Variants in PXDNL observed in about 807,000 individuals in gnomAD.
The protein encoded by PXDNL is peroxidasin like.
PXDNL carries 145 observed loss-of-function variants against 150.8 expected under a neutral mutation model. The observed-to-expected ratio is 0.96, with a 90% confidence interval of 0.84 to 1.10. The LOEUF is 1.10. PXDNL is among the 50% of genes least tolerant of loss of function. The pLI is 0.00. For synonymous variants in PXDNL, 757 were observed against 725.7 expected, an observed-to-expected ratio of 1.04 and a Z score of -0.69; for missense variants, 2,087 against 1,873.9, an observed-to-expected ratio of 1.11 and a Z score of -2.10.
intron 1 of PXDNL, among the ~76,000 whole-genome samples, chr8:51,713,179 T>G (rs895515479): frequency 6.6e-6 from 1 of 152,236 alleles, no homozygotes; most frequent in Non-Finnish European, 1.5e-5. Flanking sequence ...TCATGTTAGA[T>G]AAACTTGTGC....
chr8:51,704,882 T>C (rs141489794), intron 1 of PXDNL, among the ~76,000 whole-genome samples: 156 of 152,322 alleles, frequency 1.0e-3, no homozygotes, highest in African/African-American at 3.5e-3. Flanking sequence ...ATTAGTCTGA[T>C]GTATGTAATA....
intron 1 of PXDNL, among the ~76,000 whole-genome samples, chr8:51,688,913 G>A (rs184089437): frequency 2.0e-4 from 31 of 152,304 alleles, no homozygotes; most frequent in Middle Eastern, 3.4e-3. Flanking sequence ...AGAAATCCTC[G>A]TAACCCACCA....
At chr8:51,345,065 A>G (rs1689843739) in intron 20 of PXDNL, among the ~76,000 whole-genome samples, 1 of 152,218 alleles carries the variant, frequency 6.6e-6, no homozygotes, top group Admixed American at 6.5e-5. Context: ...AAATTATACT[A>G]CTTAGAAGGC....
chr8:51,731,803 G>C (rs1179218506), intron 1 of PXDNL, among the ~76,000 whole-genome samples: 1 of 152,220 alleles, frequency 6.6e-6, no homozygotes, highest in Non-Finnish European at 1.5e-5. Context: ...CTGAAGCAAT[G>C]ACCTGAGCTC....
intron 17 of PXDNL, among the ~76,000 whole-genome samples, chr8:51,388,941 AT>A (rs1325799644): frequency 1.3e-5 from 2 of 152,004 alleles, no homozygotes; most frequent in Non-Finnish European, 2.9e-5. Context: ...TCCTTTTAAC[AT>A]GGTTTCTATT....
chr8:51,625,521 C>T (rs1057318629), intron 2 of PXDNL, among the ~76,000 whole-genome samples: 18 of 152,174 alleles, frequency 1.2e-4, no homozygotes, highest in East Asian at 5.8e-4. Flanking sequence ...ATAAAATACA[C>T]GATAATTTCA....
chr8:51,659,482 C>T (rs972685217), intron 1 of PXDNL, among the ~76,000 whole-genome samples: 6 of 151,970 alleles, frequency 3.9e-5, no homozygotes, highest in African/African-American at 1.5e-4. Context: ...TTCCTGCTGC[C>T]AAAAAGAGAT....
chr8:51,351,152 A>C (rs1806338549), intron 19 of PXDNL, among the ~76,000 whole-genome samples: 2 of 152,256 alleles, frequency 1.3e-5, no homozygotes, highest in Admixed American at 1.3e-4. Flanking sequence ...GTTACTACAA[A>C]TGCAATGGCT....
chr8:51,584,736 A>G (rs1432578129), intron 3 of PXDNL, among the ~76,000 whole-genome samples: 2 of 152,168 alleles, frequency 1.3e-5, no homozygotes, highest in African/African-American at 4.8e-5. Flanking sequence ...AAGGCTGAAG[A>G]TATAAATAAA....
At chr8:51,434,187 C>T (rs528327538) in intron 12 of PXDNL, among the ~76,000 whole-genome samples, 23 of 152,178 alleles carry the variant, frequency 1.5e-4, no homozygotes, top group Admixed American at 1.0e-3. Flanking sequence ...TTATTTTTGT[C>T]GAAACACTTT....
intron 2 of PXDNL, among the ~76,000 whole-genome samples, chr8:51,603,245 A>G (rs1435267245): frequency 6.6e-6 from 1 of 151,936 alleles, no homozygotes; most frequent in Non-Finnish European, 1.5e-5. Context: ...TTAATTTTAA[A>G]GATTTTTTTC....
chr8:51,403,230 CT>C (rs1344828782), intron 17 of PXDNL, among the ~76,000 whole-genome samples: 1 of 151,816 alleles, frequency 6.6e-6, no homozygotes, highest in African/African-American at 2.4e-5. Context: ...TAATAAAACA[CT>C]TTTGACCAAG....
At chr8:51,413,355 T>A in intron 14 of PXDNL, 97 bp from the exon 15 acceptor site, 1 of 700,340 alleles carries the variant, frequency 1.4e-6, no homozygotes. Flanking sequence ...TGTAATGCCA[T>A]TACATTTAAA....
chr8:51,489,342 G>A (rs578026134), intron 5 of PXDNL, among the ~76,000 whole-genome samples: 1 of 152,088 alleles, frequency 6.6e-6, no homozygotes, highest in Non-Finnish European at 1.5e-5. Context: ...TTAGAGACAG[G>A]TTCTCACCCT....
rs377022664 is a variant in PXDNL at position 51,474,971 on chromosome 8, C to A, written c.694+1G>T. 1.3e-6 allele frequency: 2 copies of A among 1,585,616 alleles called. No individual in the cohort carries two copies. The highest frequency in any genetic ancestry group is 4.6e-5 in the East Asian group (2 of 43,840). ...TTATGTACACATTGAAATTTACGTA[C>A]GGCAATTGAATTCCTCTACTGTTAC... On this transcript the variant is annotated splice_donor_variant, in intron 7 of 22. Transcript: ENST00000356297. LOFTEE classifies it high-confidence loss of function.
At chr8:51,462,845 T>C (rs796864749) in intron 8 of PXDNL, among the ~76,000 whole-genome samples, 1 of 152,078 alleles carries the variant, frequency 6.6e-6, no homozygotes, top group African/African-American at 2.4e-5. Context: ...CACACAGTCA[T>C]CAGATTCTGT....
At chr8:51,777,047 C>T (rs994907422) in intron 1 of PXDNL, among the ~76,000 whole-genome samples, 2 of 152,148 alleles carry the variant, frequency 1.3e-5, no homozygotes, top group Non-Finnish European at 2.9e-5. Context: ...AAAGTAAAAG[C>T]AAAGCAAGTA....
At chr8:51,673,384 G>A (rs1815540628) in intron 1 of PXDNL, among the ~76,000 whole-genome samples, 3 of 152,082 alleles carry the variant, frequency 2.0e-5, no homozygotes, top group African/African-American at 4.8e-5. Context: ...TTTTTACTCT[G>A]TTACATTTTC....
At chr8:51,456,722 T>C (rs533164781) in intron 9 of PXDNL, among the ~76,000 whole-genome samples, 1 of 152,356 alleles carries the variant, frequency 6.6e-6, no homozygotes, top group South Asian at 2.1e-4. Context: ...TCTGTGCATC[T>C]CTTCCCAACT....
Sources: gnomAD v4.1 joint callset for allele counts (sites outside exome capture counted in the v4.1 genomes callset) on GRCh38, gnomAD v4.1.1 for gene constraint, MANE v1.5 for transcripts, NCBI Gene and HGNC (gene_info 2026-07-23, HGNC 2026-07-21) for gene names.